Variants in ARHGAP22 observed in about 807,000 individuals in gnomAD.
The protein encoded by ARHGAP22 is rho GTPase-activating protein 22.
In ARHGAP22, 48 loss-of-function variants were observed where a neutral mutation model predicts 59.1. That is an observed-to-expected ratio of 0.81 (90% CI 0.64 to 1.03). ARHGAP22 has a LOEUF of 1.03. ARHGAP22 is among the 50% of genes least tolerant of loss of function. The pLI is 0.00. For synonymous variants in ARHGAP22, 445 were observed against 416.4 expected (o/e 1.07, Z -0.84); for missense variants, 1,015 against 958.7 (o/e 1.06, Z -0.78).
chr10:48,441,599 C>G (rs2045204275), downstream of ARHGAP22, among the ~76,000 whole-genome samples: 1 of 151,986 alleles, frequency 6.6e-6, no homozygotes, highest in East Asian at 1.9e-4. Context: ...CTACAGGTGC[C>G]CGCCACCACA....
chr10:48,645,439 C>G (rs1479780887), intron 1 of ARHGAP22, among the ~76,000 whole-genome samples: 2 of 152,096 alleles, frequency 1.3e-5, no homozygotes, highest in Admixed American at 1.3e-4. Flanking sequence ...GGATTTATCC[C>G]AGGAATGTAA....
chr10:48,505,503 C>T (rs970124998), intron 3 of ARHGAP22, among the ~76,000 whole-genome samples: 3 of 152,128 alleles, frequency 2.0e-5, no homozygotes, highest in Admixed American at 2.0e-4. Flanking sequence ...GCTCTCCTGG[C>T]TGTCCTGCCA....
intron 5 of ARHGAP22, among the ~76,000 whole-genome samples, chr10:48,457,619 G>T (rs901646060): frequency 6.6e-6 from 1 of 152,186 alleles, no homozygotes; most frequent in Non-Finnish European, 1.5e-5. Flanking sequence ...GCAGCAGGGT[G>T]GCAACCCGGG....
intron 3 of ARHGAP22, among the ~76,000 whole-genome samples, chr10:48,546,154 C>T (rs2056415806): frequency 6.6e-6 from 1 of 152,208 alleles, no homozygotes; most frequent in Non-Finnish European, 1.5e-5. Context: ...AGCAGCCTGG[C>T]TTCTGCGCTG....
intron 1 of ARHGAP22, among the ~76,000 whole-genome samples, chr10:48,594,121 T>A (rs1449109475): frequency 6.6e-6 from 1 of 152,208 alleles, no homozygotes; most frequent in Non-Finnish European, 1.5e-5. Flanking sequence ...GAGACAAGCA[T>A]CACACTAGGC....
At chr10:48,637,589 T>C (rs2061873835) in intron 1 of ARHGAP22, among the ~76,000 whole-genome samples, 2 of 150,236 alleles carry the variant, frequency 1.3e-5, no homozygotes, top group Non-Finnish European at 3.0e-5. Context: ...GATGGATGGA[T>C]AAATGGTGGA....
In ARHGAP22 at chr10:48,626,859, G is replaced by T. The variant is rs570693110; in HGVS notation, c.52+25375C>A. Among the ~76,000 whole-genome samples, 36 of 152,304 alleles carry T rather than the reference G, an allele frequency of 2.4e-4. 1 individual carries two copies. The South Asian group carries it at 7.5e-3, about 32-fold the overall frequency. On this transcript the variant is annotated intron_variant, in intron 1 of 9. Transcript: ENST00000435790. The stretch of plus-strand genomic sequence containing the variant: ...GGCAAGGTTAAGGAGGTGACTGTGG[G>T]AGAGTGGGAACTGGCTGGGCATGGG...
chr10:48,602,619 T>A (rs1042100995), intron 1 of ARHGAP22, among the ~76,000 whole-genome samples: 3 of 152,144 alleles, frequency 2.0e-5, no homozygotes, highest in African/African-American at 7.2e-5. Flanking sequence ...TTCTCCTCTA[T>A]CCAGCTATTC....
intron 1 of ARHGAP22, among the ~76,000 whole-genome samples, chr10:48,591,415 C>T (rs555630947): frequency 6.6e-6 from 1 of 152,210 alleles, no homozygotes; most frequent in South Asian, 2.1e-4. Flanking sequence ...TCCTTCATTT[C>T]TCAGAATTGA....
chr10:48,588,267 C>A (rs2059548799), intron 1 of ARHGAP22, among the ~76,000 whole-genome samples: 1 of 152,184 alleles, frequency 6.6e-6, no homozygotes, highest in Non-Finnish European at 1.5e-5. Flanking sequence ...ACCTGCCCCA[C>A]CCTGCAGGAT....
chr10:48,434,757 G>A, the ARHGAP22 span: 22 of 663,490 alleles, frequency 3.3e-5, no homozygotes, highest in Admixed American at 4.5e-4. Flanking sequence ...TATCATTTGC[G>A]ATTATTTTTA....
intron 2 of ARHGAP22, among the ~76,000 whole-genome samples, chr10:48,564,413 G>A (rs1424890690): frequency 1.3e-5 from 2 of 152,182 alleles, no homozygotes; most frequent in African/African-American, 4.8e-5. Context: ...GTCTGTTACT[G>A]TCCTCTCCCC....
In ARHGAP22 at chr10:48,555,446, AAGGTGCTC is replaced by A. The variant is rs1280428306; in HGVS notation, c.322+9_322+16del. 1.2e-6 allele frequency: 2 copies of A among 1,612,350 alleles called. No individual in the cohort carries two copies. Among genetic ancestry groups the A allele is most frequent in the African/African-American group, 2.7e-5 (2 of 74,876 alleles). On this transcript the variant is annotated intron_variant, in intron 3 of 9. Transcript: ENST00000249601. ...ACCCCCACCAGGGCTGCAGAGCTGG[AAGGTGCTC>A]AGGCCTACCTGGGCTGATCTCAAAG... is the stretch of plus-strand genomic sequence containing the variant.
chr10:48,544,538 G>C (rs1369011540), intron 3 of ARHGAP22, among the ~76,000 whole-genome samples: 1 of 152,186 alleles, frequency 6.6e-6, no homozygotes, highest in African/African-American at 2.4e-5. Context: ...AATGAAGCAG[G>C]TGTGCCTGAG....
intron 4 of ARHGAP22, chr10:48,466,663 A>C (rs1263059847): frequency 1.1e-5 from 1 of 89,526 alleles, no homozygotes; most frequent in Non-Finnish European, 2.2e-5. Flanking sequence ...CGCGGCCGGC[A>C]TCAGGCCCAT....
intron 1 of ARHGAP22, among the ~76,000 whole-genome samples, chr10:48,650,633 G>C (rs978667516): frequency 6.6e-6 from 1 of 152,166 alleles, no homozygotes; most frequent in Non-Finnish European, 1.5e-5. Flanking sequence ...CATGCAGTAT[G>C]TCCTCTGTCC....
chr10:48,501,684 G>A (rs962769655), intron 3 of ARHGAP22, among the ~76,000 whole-genome samples: 7 of 151,864 alleles, frequency 4.6e-5, no homozygotes, highest in Admixed American at 1.3e-4. Context: ...AACATAACTG[G>A]GAACAACTTA....
At chr10:48,435,123 G>T in the ARHGAP22 span, 1 of 982,964 alleles carries the variant, frequency 1.0e-6, no homozygotes. Context: ...ATTTTTGGGT[G>T]ATTTTTCAAA....
At chr10:48,507,694 T>C (rs2052290118) in intron 3 of ARHGAP22, among the ~76,000 whole-genome samples, 1 of 152,132 alleles carries the variant, frequency 6.6e-6, no homozygotes, top group Non-Finnish European at 1.5e-5. Context: ...TCCACCCATG[T>C]ATCCATGTGC....
Sources: gnomAD v4.1 joint callset for allele counts (sites outside exome capture counted in the v4.1 genomes callset) on GRCh38, gnomAD v4.1.1 for gene constraint, MANE v1.5 for transcripts, NCBI Gene and HGNC (gene_info 2026-07-23, HGNC 2026-07-21) for gene names.